Variants in KRT82 observed in about 807,000 individuals in gnomAD.
KRT82 encodes keratin, type II cuticular Hb2.
KRT82 carries 44 observed loss-of-function variants against 48.0 expected under a neutral mutation model. The observed-to-expected ratio is 0.92, with a 90% confidence interval of 0.72 to 1.18. The LOEUF (loss-of-function observed/expected upper bound fraction) is 1.18, where lower values mean the gene tolerates loss of function less well. Among genes scored for constraint, KRT82 ranks in the 50% most tolerant of loss-of-function variants. KRT82 has a pLI of 0.00. For synonymous variants in KRT82, 297 were observed against 278.3 expected (o/e 1.07, Z -0.67); for missense variants, 701 against 671.4 (o/e 1.04, Z -0.49).
rs779840614 is a variant in KRT82, at chr12:52,401,278, T to A, written c.681+11A>T. 6.2e-7 allele frequency: 1 copy of A among 1,613,672 alleles called. No individual in the cohort carries two copies. Among genetic ancestry groups the A allele is most frequent in the East Asian group, 2.2e-5 (1 of 44,864 alleles). ...GCTCAGGGGCTCTGCCTCTCTGAGC[T>A]TCCTCCTTACCTTCTTCAAGGCAAC... On this transcript the variant is annotated intron_variant, in intron 3 of 8. Coordinates refer to ENST00000257974, the MANE Select transcript of KRT82 (RefSeq NM_033033.4).
In KRT82 at chr12:52,405,953, T is replaced by C. The variant is rs1444690947; in HGVS notation, c.325A>G (p.Ile109Val). The change falls in exon 1 of 9, where the codon ATA becomes GTA. Residue 109 changes from isoleucine to valine, a missense_variant. Transcript: ENST00000257974. Reference protein sequence around the residue: ...ESLLVPLALEIDPTVQRVKRD... With the variant: ...ESLLVPLALEVDPTVQRVKRD... ...TTTACCCTCTGCACAGTCGGGTCTA[T>C]CTCCAGTGCCAGTGGGACCAGCAGG... The C allele has an allele frequency of 3.1e-6, 5 of 1,614,070 alleles. No homozygotes were observed. The highest frequency in any genetic ancestry group is 1.3e-5 in the African/African-American group (1 of 74,930).
chr12:52,397,435 G>T (rs1016581424), intron 5 of KRT82, among the ~76,000 whole-genome samples: 6 of 152,282 alleles, frequency 3.9e-5, no homozygotes, highest in Non-Finnish European at 7.4e-5. Context: ...TGCCCATCAG[G>T]ATGAGAACAT....
chr12:52,402,761 G>A (rs1366816206), intron 2 of KRT82, among the ~76,000 whole-genome samples: 1 of 152,176 alleles, frequency 6.6e-6, no homozygotes, highest in African/African-American at 2.4e-5. Flanking sequence ...CATTGAGTAG[G>A]CATGTGGTTG....
chr12:52,403,587 C>G, intron 2 of KRT82, 114 bp downstream of exon 2: 1 of 723,044 alleles, frequency 1.4e-6, no homozygotes, highest in Non-Finnish European at 2.4e-6. Context: ...AACTGTTCTG[C>G]CACCCAGTGA....
intron 4 of KRT82, among the ~76,000 whole-genome samples, 169 bp from the exon 5 acceptor site, chr12:52,400,318 G>A (rs1311405990): frequency 6.6e-6 from 1 of 152,236 alleles, no homozygotes; most frequent in Non-Finnish European, 1.5e-5. Context: ...TGGTTGCCCA[G>A]AGCTTGGTGG....
In KRT82 at chr12:52,406,310, G is replaced by C. The variant is rs1276639399; in HGVS notation, c.-33C>G. On this transcript the variant is annotated 5_prime_UTR_variant, in exon 1 of 9. Transcript: ENST00000257974. ...GAGAGAGGCAGAGAAATGCGGCCCT[G>C]GAGGAAAGAACCGGGGCAGGATGAT... 1.3e-6 allele frequency: 2 copies of C among 1,535,534 alleles called. No individual in the cohort carries two copies. The highest frequency in any genetic ancestry group is 1.9e-5 in the Admixed American group (1 of 52,244).
At chr12:52,399,796 C>A (rs1592153702) in intron 5 of KRT82, among the ~76,000 whole-genome samples, 189 bp downstream of exon 5, 1 of 152,340 alleles carries the variant, frequency 6.6e-6, no homozygotes, top group African/African-American at 2.4e-5. Context: ...CCCACGTGCT[C>A]TGCAGGGAAG....
chr12:52,404,651 T>C (rs1298981110), intron 1 of KRT82, among the ~76,000 whole-genome samples: 1 of 152,218 alleles, frequency 6.6e-6, no homozygotes, highest in Non-Finnish European at 1.5e-5. Flanking sequence ...AGAAGTATCA[T>C]TGCCCTACTT....
chr12:52,401,387 T>C, intron 2 of KRT82, 38 bp from the exon 3 acceptor site: 3 of 1,604,032 alleles, frequency 1.9e-6, no homozygotes, highest in Non-Finnish European at 2.6e-6. Flanking sequence ...TTAGTCGGGC[T>C]TGTGGATTTT....
rs146477429 is a variant in KRT82 at position 52,395,164 on chromosome 12, G to T, written c.1353C>A (p.Tyr451Ter). 2 of 1,613,944 alleles carry T rather than the reference G, an allele frequency of 1.2e-6. No individual in the cohort carries two copies. The highest frequency in any genetic ancestry group is 1.7e-4 in the Middle Eastern group (1 of 6,054). ...CAGGCGTGCTGACCCCACATGGCTC[G>T]TACAGGAAGGCGCCTTTGGAGCTGC... is the stretch of plus-strand genomic sequence containing the variant. ...SVSSSKGAFL[Y>*]EPCGVSTPVL... is the part of the protein sequence containing the mutation. Residue 451 changes from tyrosine to a stop codon, truncating the protein, a stop_gained, in exon 9 of 9, where the codon TAC becomes TAA. Transcript: ENST00000257974. LOFTEE classifies it low-confidence loss of function (END_TRUNC).
At chr12:52,401,420 C>T (rs1020003683) in intron 2 of KRT82, 71 bp from the exon 3 acceptor site, 9 of 1,477,050 alleles carry the variant, frequency 6.1e-6, no homozygotes, top group Middle Eastern at 1.7e-4. Context: ...GGCATCAGGC[C>T]TTTGGGGGCA....
Position 52,400,034 on chromosome 12 carries a change from T to C in KRT82, c.893A>G (p.Asp298Gly), listed in dbSNP as rs373477748. Residue 298 changes from aspartate to glycine, a missense_variant, in exon 5 of 9, where the codon GAC (aspartate) becomes GGC (glycine). Transcript: ENST00000257974. The part of the protein sequence containing the change: ...IIAEIKAQYD[D>G]IASRSKAEAE... ...TTCGGCTTTGCTGCGGCTGGCGATG[T>C]CGTCATACTGCGCCTTGATCTCAGC... 3.7e-5 allele frequency: 60 copies of C among 1,614,050 alleles called. No individual in the cohort carries two copies. Among genetic ancestry groups the C allele is most frequent in the Non-Finnish European group, 4.9e-5 (58 of 1,180,010 alleles).
Position 52,394,813 on chromosome 12 carries a change from T to A in KRT82, c.*162A>T. 1 of 649,178 alleles carries A rather than the reference T, an allele frequency of 1.5e-6. No homozygotes were observed. Among genetic ancestry groups the A allele is most frequent in the Non-Finnish European group, 2.7e-6 (1 of 368,282 alleles). 40.2% of individuals were successfully genotyped at this position (649,178 alleles called of 1,614,324 possible). Reference sequence around the variant, plus strand: ...GGTGACTCATGAGGCAAAGGAGGGGTCCTAGGGGCAGCTCAGCTCTCAAGG... The same window carrying A: ...GGTGACTCATGAGGCAAAGGAGGGGACCTAGGGGCAGCTCAGCTCTCAAGG... On this transcript the variant is annotated 3_prime_UTR_variant, in exon 9 of 9. Coordinates refer to ENST00000257974, the MANE Select transcript of KRT82 (RefSeq NM_033033.4).
chr12:52,396,812 C>T (rs1341061711), intron 6 of KRT82, 71 bp downstream of exon 6: 2 of 1,583,526 alleles, frequency 1.3e-6, no homozygotes, highest in Admixed American at 1.7e-5. Flanking sequence ...ATTGAACCCG[C>T]CCTGCACGGC....
At chr12:52,403,470 T>A (rs1319301080) in intron 2 of KRT82, among the ~76,000 whole-genome samples, 1 of 152,024 alleles carries the variant, frequency 6.6e-6, no homozygotes, top group African/African-American at 2.4e-5. Flanking sequence ...GAGAGAGAGA[T>A]CTGAGGGCTT....
At chr12:52,401,208 T>A in intron 3 of KRT82, 81 bp downstream of exon 3, 1 of 1,210,446 alleles carries the variant, frequency 8.3e-7, no homozygotes, top group Non-Finnish European at 1.2e-6. Flanking sequence ...TGCAGACACG[T>A]TTGGACTGAG....
In KRT82 at chr12:52,394,816, TA is replaced by T. The variant is rs1324957000; in HGVS notation, c.*158del. 4.1e-5 allele frequency: 27 copies of T among 660,552 alleles called. No individual in the cohort carries two copies. The East Asian group carries it at 4.9e-4, about 12-fold the overall frequency. 40.9% of individuals were successfully genotyped at this position (660,552 alleles called of 1,614,324 possible). A position where few individuals can be genotyped will look rare whatever the true frequency, so the allele number is the denominator to read the frequency against. Reference sequence around the variant, plus strand: ...GACTCATGAGGCAAAGGAGGGGTCCTAGGGGCAGCTCAGCTCTCAAGGAGGG... The same window carrying T: ...GACTCATGAGGCAAAGGAGGGGTCCTGGGGCAGCTCAGCTCTCAAGGAGGG... On this transcript the variant is annotated 3_prime_UTR_variant, in exon 9 of 9. Transcript: ENST00000257974.
Position 52,395,794 on chromosome 12 carries a change from G to A in KRT82, c.1290-4C>T, listed in dbSNP as rs1250044676. On this transcript the variant is annotated splice_region_variant and splice_polypyrimidine_tract_variant and intron_variant, in intron 7 of 8. Transcript: ENST00000257974. ...GGGCCCGATGCCTTCGCACAGCCTG[G>A]GGATGAGAGGAAAAAGAAAACAGGT... 1.3e-6 allele frequency: 2 copies of A among 1,549,450 alleles called. No homozygotes were observed. Among genetic ancestry groups the A allele is most frequent in the Non-Finnish European group, 8.7e-7 (1 of 1,150,388 alleles).
rs759248462 is a variant in KRT82, at chr12:52,395,134, G to A, written c.1383C>T (p.Leu461=). 4.3e-6 allele frequency: 7 copies of A among 1,614,076 alleles called. No homozygotes were observed. The South Asian group carries it at 7.7e-5, about 18-fold the overall frequency. The change falls in exon 9 of 9, where the codon CTC becomes CTT. Residue 461 remains leucine, a synonymous_variant. Coordinates refer to ENST00000257974, the MANE Select transcript of KRT82 (RefSeq NM_033033.4). ...YEPCGVSTPV[L]STGVLRSNGG... is the part of the protein sequence containing the mutation. ...CATTGCTCCTGAGGACGCCAGTGCT[G>A]AGGACAGGCGTGCTGACCCCACATG...
Sources: gnomAD v4.1 joint callset for allele counts (sites outside exome capture counted in the v4.1 genomes callset) on GRCh38, gnomAD v4.1.1 for gene constraint, MANE v1.5 for transcripts, NCBI Gene and HGNC (gene_info 2026-07-23, HGNC 2026-07-21) for gene names.